ACOT4: variants seen among roughly 807,000 people sequenced by gnomAD.
ACOT4 encodes the protein peroxisomal succinyl-coenzyme A thioesterase.
A neutral mutation model predicts 17.1 loss-of-function variants in ACOT4; 18 were observed. That is an observed-to-expected ratio of 1.05 (90% CI 0.73 to 1.56). The LOEUF (loss-of-function observed/expected upper bound fraction) is 1.56. ACOT4 is among the 40% of genes most tolerant of loss of function. The pLI is 0.00. For synonymous variants in ACOT4, 234 were observed against 236.6 expected (o/e 0.99, Z 0.10); for missense variants, 574 against 557.2 (o/e 1.03, Z -0.30).
intron 2 of ACOT4, among the ~76,000 whole-genome samples, chr14:73,594,397 G>T (rs1890211702): frequency 6.6e-6 from 1 of 151,856 alleles, no homozygotes; most frequent in Non-Finnish European, 1.5e-5. Flanking sequence ...ACTTCAGTCA[G>T]ACCTACCTGA....
chr14:73,591,977 C>T lies in ACOT4; in HGVS notation c.18C>T (p.Ile6=). ...GCTCCAAGATGTCAGCAACGCTGAT[C>T]CTGGAGCCCCCAGGCCGCTGCTGCT... The part of the protein sequence containing the change: MSATL[I]LEPPGRCCWN... The change falls in exon 1 of 3, where the codon ATC becomes ATT. Residue 6 remains isoleucine, a synonymous_variant. Coordinates refer to ENST00000326303, the MANE Select transcript of ACOT4 (RefSeq NM_152331.4). The T allele has an allele frequency of 7.1e-7, 1 of 1,401,924 alleles. No homozygotes were observed. Among genetic ancestry groups the T allele is most frequent in the Non-Finnish European group, 9.3e-7 (1 of 1,079,632 alleles). The allele number at this position is 1,401,924 out of a possible 1,614,324, so 86.8% of individuals were successfully genotyped here. A position where few individuals can be genotyped will look rare whatever the true frequency, so the allele number is the denominator to read the frequency against.
Position 73,595,426 on chromosome 14 carries a change from A to G in ACOT4, c.1038A>G (p.Gly346=). Residue 346 remains glycine (G), a synonymous_variant, in exon 3 of 3, where the codon GGA becomes GGG. Coordinates refer to ENST00000326303, the MANE Select transcript of ACOT4 (RefSeq NM_152331.4). ...TCTCTGAACGGTTACAGGCCCATGG[A>G]AAGGAAAAACCCCAGATCATCTGTT... ...QTVSERLQAH[G]KEKPQIICYP... is the part of the protein sequence containing the mutation. 1 of 1,614,214 alleles carries G rather than the reference A, an allele frequency of 6.2e-7. No homozygotes were observed. The highest frequency in any genetic ancestry group is 8.5e-7 in the Non-Finnish European group (1 of 1,180,036).
chr14:73,595,016 T>C lies in ACOT4; in HGVS notation c.661-33T>C, dbSNP rs769202340. On this transcript the variant is annotated intron_variant, in intron 2 of 2. Transcript: ENST00000326303. ...CACCGCACCCAATCTGGATAAGTTATTGACTCAACTCTCCTCTCTTCTTTT... is the reference window on the plus strand; with the variant it reads ...CACCGCACCCAATCTGGATAAGTTACTGACTCAACTCTCCTCTCTTCTTTT... 9 of 1,607,890 alleles carry C rather than the reference T, an allele frequency of 5.6e-6. No homozygotes were observed. The Admixed American group carries it at 1.5e-4, about 27-fold the overall frequency.
At position 73,593,790 on chromosome 14, in the gene ACOT4, C is replaced by T; in HGVS notation, c.546C>T (p.Gly182=). 1 of 1,614,056 alleles carries T rather than the reference C, an allele frequency of 6.2e-7. No homozygotes were observed. Among genetic ancestry groups the T allele is most frequent in the South Asian group, 1.1e-5 (1 of 91,082 alleles). Residue 182 remains glycine (G), a synonymous_variant, in exon 2 of 3, where the codon GGC becomes GGT. Coordinates refer to ENST00000326303, the MANE Select transcript of ACOT4 (RefSeq NM_152331.4). The part of the protein sequence containing the change: ...EYRASLLAGH[G]FATLALAYYN... Reference sequence around the variant, plus strand: ...GAGCCAGCCTCCTTGCTGGCCATGGCTTTGCCACGTTGGCTCTAGCTTATT... The same window carrying T: ...GAGCCAGCCTCCTTGCTGGCCATGGTTTTGCCACGTTGGCTCTAGCTTATT...
chr14:73,595,719 G>A lies in ACOT4; in HGVS notation c.*65G>A. ...ATTCTAGTGTTCAGTAACCCTATGT[G>A]AATCAGATGTCTCCTGGATAACATT... On this transcript the variant is annotated 3_prime_UTR_variant, in exon 3 of 3. Transcript: ENST00000326303. 6.8e-7 allele frequency: 1 copy of A among 1,474,498 alleles called. No homozygotes were observed. 91.3% of individuals were successfully genotyped at this position (1,474,498 alleles called of 1,614,324 possible).
At position 73,592,387 on chromosome 14, in the gene ACOT4, G is replaced by T; in HGVS notation, c.428G>T (p.Arg143Leu). Residue 143 changes from arginine to leucine, a missense_variant, in exon 1 of 3, where the codon CGG becomes CTG. Transcript: ENST00000326303. Reference sequence around the variant, plus strand: ...CGGCGCCAGTCGGTGCGAGCGGGCCGGGTGCGCGCCACGCTCTTCCTGCCG... The same window carrying T: ...CGGCGCCAGTCGGTGCGAGCGGGCCTGGTGCGCGCCACGCTCTTCCTGCCG... ...GVRRQSVRAG[R>L]VRATLFLPPG... 1 of 1,552,044 alleles carries T rather than the reference G, an allele frequency of 6.4e-7. No homozygotes were observed. Among genetic ancestry groups the T allele is most frequent in the East Asian group, 2.4e-5 (1 of 41,566 alleles).
At chr14:73,594,671 A>AAGTT (rs1318414986) in intron 2 of ACOT4, among the ~76,000 whole-genome samples, 17 of 137,320 alleles carry the variant, frequency 1.2e-4, no homozygotes, top group African/African-American at 5.8e-5. Context: ...TGCATTGGAT[A>AAGTT]AGTTATTTAT....
At position 73,595,651 on chromosome 14, in the gene ACOT4, G is replaced by A; in HGVS notation, c.1263G>A (p.Leu421=). Residue 421 remains leucine (L), a synonymous_variant, in exon 3 of 3, where the codon TTG becomes TTA. Transcript: ENST00000326303. ...CCCAGAAAACAGCTGTCCCTAAATT[G>A]TAATGCATTTGTCTGTTGTTGACAT... The part of the protein sequence containing the change: ...GGTQKTAVPK[L] The A allele has an allele frequency of 6.6e-7, 1 of 1,518,144 alleles. No individual in the cohort carries two copies. The highest frequency in any genetic ancestry group is 8.8e-7 in the Non-Finnish European group (1 of 1,134,166). 94.0% of individuals were successfully genotyped at this position (1,518,144 alleles called of 1,614,324 possible). A position where few individuals can be genotyped will look rare whatever the true frequency, so the allele number is the denominator to read the frequency against.
Position 73,593,764 on chromosome 14 carries a change from C to T in ACOT4, c.520C>T (p.Arg174Ter), listed in dbSNP as rs755709560. The T allele has an allele frequency of 6.2e-7, 1 of 1,613,896 alleles. No homozygotes were observed. The highest frequency in any genetic ancestry group is 1.1e-5 in the South Asian group (1 of 91,054). The change falls in exon 2 of 3, where the codon CGA becomes TGA. Residue 174 changes from arginine (R) to a stop codon, truncating the protein, a stop_gained. Transcript: ENST00000326303. LOFTEE classifies it high-confidence loss of function. The part of the protein sequence containing the change: ...FGIGGGLLEY[R>*]ASLLAGHGFA... ...TATTGGAGGGGGCCTCTTGGAATAT[C>T]GAGCCAGCCTCCTTGCTGGCCATGG...
chr14:73,591,910 T>C lies in ACOT4; in HGVS notation c.-50T>C, dbSNP rs1240755687. 3 of 1,343,820 alleles carry C rather than the reference T, an allele frequency of 2.2e-6. No individual in the cohort carries two copies. The highest frequency in any genetic ancestry group is 3.1e-5 in the East Asian group (1 of 32,212). 83.2% of individuals were successfully genotyped at this position (1,343,820 alleles called of 1,614,324 possible). A position where few individuals can be genotyped will look rare whatever the true frequency, so the allele number is the denominator to read the frequency against. ...GACATTCGGCGCGCTTGCCACGATC[T>C]TGGACGGGTCTCGGGCCTCGACCTT... is the stretch of plus-strand genomic sequence containing the variant. On this transcript the variant is annotated 5_prime_UTR_variant, in exon 1 of 3. Transcript: ENST00000326303.
At chr14:73,593,173 A>G (rs1229931047) in intron 1 of ACOT4, among the ~76,000 whole-genome samples, 1 of 152,110 alleles carries the variant, frequency 6.6e-6, no homozygotes, top group African/African-American at 2.4e-5. Flanking sequence ...CACAGGTCAC[A>G]CTTCAGACTC....
chr14:73,593,591 C>G (rs1262885348), intron 1 of ACOT4, 111 bp from the exon 2 acceptor site: 3 of 988,608 alleles, frequency 3.0e-6, no homozygotes, highest in Non-Finnish European at 4.5e-6. Flanking sequence ...AATCCTCCTG[C>G]CTTGGCCTCC....
At position 73,592,342 on chromosome 14, in the gene ACOT4, A is replaced by G. The variant is rs1263406567; in HGVS notation, c.383A>G (p.His128Arg). 6.3e-7 allele frequency: 1 copy of G among 1,599,128 alleles called. No homozygotes were observed. The highest frequency in any genetic ancestry group is 1.3e-5 in the African/African-American group (1 of 74,302). The change falls in exon 1 of 3, where the codon CAC becomes CGC. Residue 128 changes from histidine to arginine, a missense_variant. By Grantham distance (29) the His-to-Arg change is conservative. Coordinates refer to ENST00000326303, the MANE Select transcript of ACOT4 (RefSeq NM_152331.4). ...RLLCQAQHER[H>R]FLPPGVRRQS... ...CTGTGCCAGGCGCAGCACGAGCGCC[A>G]CTTCCTCCCGCCAGGGGTGCGGCGC...
intron 2 of ACOT4, 132 bp from the exon 3 acceptor site, chr14:73,594,917 C>A: frequency 9.6e-7 from 1 of 1,036,596 alleles, no homozygotes; most frequent in Non-Finnish European, 1.4e-6. Flanking sequence ...GTTGGCCAGG[C>A]TGGTCTCAAA....
chr14:73,595,415 C>T lies in ACOT4; in HGVS notation c.1027C>T (p.Gln343Ter), dbSNP rs778399603. Residue 343 changes from glutamine to a stop codon, truncating the protein, a stop_gained, in exon 3 of 3, where the codon CAG (glutamine) becomes TAG (stop). Transcript: ENST00000326303. LOFTEE classifies it low-confidence loss of function (END_TRUNC). ...TGCCCAAACAGTCTCTGAACGGTTA[C>T]AGGCCCATGGAAAGGAAAAACCCCA... The part of the protein sequence containing the change: ...LYAQTVSERL[Q>*]AHGKEKPQII... 12 of 1,614,120 alleles carry T rather than the reference C, an allele frequency of 7.4e-6. No individual in the cohort carries two copies. Among genetic ancestry groups the T allele is most frequent in the Non-Finnish European group, 1.0e-5 (12 of 1,180,056 alleles).
chr14:73,592,312 G>C lies in ACOT4; in HGVS notation c.353G>C (p.Arg118Pro). 6.2e-7 allele frequency: 1 copy of C among 1,610,924 alleles called. No homozygotes were observed. The highest frequency in any genetic ancestry group is 1.1e-5 in the South Asian group (1 of 90,672). ...VLDGHDPEPG[R>P]LLCQAQHERH... ...GACGGCCACGACCCCGAGCCTGGAC[G>C]GCTGCTGTGCCAGGCGCAGCACGAG... The change falls in exon 1 of 3, where the codon CGG (arginine) becomes CCG (proline). Residue 118 changes from arginine to proline, a missense_variant. Physicochemically the swap from Arg to Pro is moderately radical, Grantham distance 103. Coordinates refer to ENST00000326303, the MANE Select transcript of ACOT4 (RefSeq NM_152331.4).
At chr14:73,594,772 C>A (rs1294252606) in intron 2 of ACOT4, among the ~76,000 whole-genome samples, 1 of 152,160 alleles carries the variant, frequency 6.6e-6, no homozygotes, top group Non-Finnish European at 1.5e-5. Context: ...GCAATCTCGG[C>A]TCACTGCAAC....
chr14:73,595,098 T>C lies in ACOT4; in HGVS notation c.710T>C (p.Ile237Thr), dbSNP rs1595179508. The change falls in exon 3 of 3, where the codon ATT becomes ACT. Residue 237 changes from isoleucine (I) to threonine (T), a missense_variant. Transcript: ENST00000326303. ...GLLGISLGADICLSMASFLKN... is the reference protein window; with the variant it reads ...GLLGISLGADTCLSMASFLKN... The stretch of plus-strand genomic sequence containing the variant: ...TTGGGCATTTCTCTAGGAGCTGATA[T>C]TTGTCTCTCAATGGCCTCATTCTTG... 1.2e-6 allele frequency: 2 copies of C among 1,614,154 alleles called. No homozygotes were observed. The highest frequency in any genetic ancestry group is 1.3e-5 in the African/African-American group (1 of 75,042).
At chr14:73,592,548 C>T (rs10149488) in intron 1 of ACOT4, 132 bp downstream of exon 1, 35,811 of 1,144,614 alleles carry the variant, frequency 0.031, 1,516 homozygotes, top group African/African-American at 0.19. Context: ...TCAGTGGCCA[C>T]TCTACCAAAA....
Sources: gnomAD v4.1 joint callset for allele counts (sites outside exome capture counted in the v4.1 genomes callset) on GRCh38, gnomAD v4.1.1 for gene constraint, MANE v1.5 for transcripts, NCBI Gene and HGNC (gene_info 2026-07-23, HGNC 2026-07-21) for gene names.